The following ATP10A variants were observed in gnomAD, a reference collection of about 807,000 sequenced individuals.
The protein encoded by ATP10A is ATPase phospholipid transporting 10A (putative).
A neutral mutation model predicts 147.8 loss-of-function variants in ATP10A; 111 were observed. That is an observed-to-expected ratio of 0.75 (90% confidence interval 0.64 to 0.88). ATP10A has a LOEUF of 0.88. Among genes scored for constraint, ATP10A ranks in the 40% least tolerant of loss-of-function variants. The pLI, the probability that ATP10A is intolerant of heterozygous loss-of-function variation, is 0.00. For synonymous variants in ATP10A, 875 were observed against 841.6 expected (o/e 1.04, Z -0.69); for missense variants, 1,927 against 1,959.0 (o/e 0.98, Z 0.31).
At chr15:25,801,470 G>C (rs1439293043) in intron 1 of ATP10A, among the ~76,000 whole-genome samples, 1 of 152,178 alleles carries the variant, frequency 6.6e-6, no homozygotes, top group Non-Finnish European at 1.5e-5. Flanking sequence ...ACTATGTTAA[G>C]GTGCATGCAG....
intron 15 of ATP10A, chr15:25,688,134 A>C: frequency 2.5e-6 from 1 of 401,944 alleles, no homozygotes; most frequent in South Asian, 2.3e-5. Context: ...TTCTCAACAA[A>C]TGAAAACACA....
intron 2 of ATP10A, among the ~76,000 whole-genome samples, chr15:25,771,995 A>T (rs1596856129): frequency 6.6e-6 from 1 of 151,960 alleles, no homozygotes; most frequent in South Asian, 2.1e-4. Context: ...CAGGTGATCC[A>T]CCTGCCTCAG....
chr15:25,851,774 A>G (rs142881075), intron 1 of ATP10A, among the ~76,000 whole-genome samples: 1,725 of 152,296 alleles, frequency 0.011, 43 homozygotes, highest in Admixed American at 0.056. Flanking sequence ...TGGAGGCACA[A>G]TTCAGTGTCT....
Position 25,729,149 on chromosome 15 carries a change from G to A in ATP10A, c.741-1883C>T, listed in dbSNP as rs181978750. ...CTAACTCCCAGGACTGCAGAATATGGCTGTATTTGGAGACAGAGTCTTTAA... is the reference window on the plus strand; with the variant it reads ...CTAACTCCCAGGACTGCAGAATATGACTGTATTTGGAGACAGAGTCTTTAA... On this transcript the variant is annotated intron_variant, in intron 3 of 20. Transcript: ENST00000555815. Among the ~76,000 whole-genome samples the A allele has an allele frequency of 2.3e-3, 352 of 152,312 alleles. 1 individual carries two copies. Among genetic ancestry groups the A allele is most frequent in the African/African-American group, 8.2e-3 (340 of 41,578 alleles).
intron 1 of ATP10A, among the ~76,000 whole-genome samples, chr15:25,814,788 A>G (rs1322563476): frequency 6.6e-6 from 1 of 152,214 alleles, no homozygotes; most frequent in African/African-American, 2.4e-5. Context: ...GCGTATAAAA[A>G]GTGCAAACAC....
chr15:25,780,282 A>G (rs997692457), intron 2 of ATP10A, among the ~76,000 whole-genome samples: 32 of 152,226 alleles, frequency 2.1e-4, no homozygotes, highest in African/African-American at 7.7e-4. Context: ...GCCGACTCAG[A>G]CTTGCTGTCT....
At chr15:25,793,591 C>T (rs907229339) in intron 1 of ATP10A, among the ~76,000 whole-genome samples, 1 of 152,198 alleles carries the variant, frequency 6.6e-6, no homozygotes, top group South Asian at 2.1e-4. Flanking sequence ...TTGTCCAAAC[C>T]CTCTTCCGCT....
At chr15:25,759,046 G>A (rs561469935) in intron 2 of ATP10A, among the ~76,000 whole-genome samples, 1 of 152,340 alleles carries the variant, frequency 6.6e-6, no homozygotes, top group South Asian at 2.1e-4. Context: ...ATGGGGGACC[G>A]ACACAGCACC....
Position 25,716,892 on chromosome 15 carries a change from C to CAGA in ATP10A, c.1613_1614insTCT (p.Leu538dup). On this transcript the variant is annotated inframe_insertion, in exon 9 of 21. Transcript: ENST00000555815. ...TCTTGTCACACTCACTCACCTTCTC[C>CAGA]AGCAGCTTTGGGTCGGGCGTGATAT... is the stretch of plus-strand genomic sequence containing the variant. 1 of 1,599,314 alleles carries CAGA rather than the reference C, an allele frequency of 6.3e-7. No homozygotes were observed.
intron 2 of ATP10A, among the ~76,000 whole-genome samples, chr15:25,777,014 C>T (rs982537831): frequency 1.3e-5 from 2 of 152,184 alleles, no homozygotes; most frequent in Admixed American, 6.5e-5. Context: ...GGTGAATAGG[C>T]CTGAGTCCTC....
intron 3 of ATP10A, among the ~76,000 whole-genome samples, chr15:25,734,906 A>C (rs1596785516): frequency 6.6e-6 from 1 of 151,890 alleles, no homozygotes; most frequent in East Asian, 1.9e-4. Flanking sequence ...AGGTGCTGGC[A>C]AAACAGAAGA....
At chr15:25,841,892 G>T (rs1258742519) in intron 1 of ATP10A, 6 of 152,218 alleles carry the variant, frequency 3.9e-5, no homozygotes, top group Non-Finnish European at 5.9e-5. Context: ...TCAATTCATA[G>T]CCACGGATCT....
chr15:25,726,154 G>A (rs1902534273), intron 4 of ATP10A, 72 bp from the exon 5 acceptor site: 2 of 1,541,922 alleles, frequency 1.3e-6, no homozygotes, highest in Non-Finnish European at 1.8e-6. Flanking sequence ...GGATGGCGTG[G>A]AGGGAATTCC....
chr15:25,721,880 G>A lies in ATP10A; in HGVS notation c.1140C>T (p.Ser380=), dbSNP rs952837995. 1.4e-5 allele frequency: 23 copies of A among 1,613,728 alleles called. No individual in the cohort carries two copies. The highest frequency in any genetic ancestry group is 1.9e-5 in the Non-Finnish European group (23 of 1,179,788). ...CTTGGCATGCTTTAACAATTTCAATGGAAACGTATAAGGAAATTGGGATCA... is the reference window on the plus strand; with the variant it reads ...CTTGGCATGCTTTAACAATTTCAATAGAAACGTATAAGGAAATTGGGATCA... ...QVLIPISLYV[S]IEIVKACQVY... is the part of the protein sequence containing the mutation. The change falls in exon 7 of 21, where the codon TCC becomes TCT. Residue 380 remains serine (S), a synonymous_variant. Coordinates refer to ENST00000555815, the MANE Select transcript of ATP10A (RefSeq NM_024490.4).
intron 1 of ATP10A, among the ~76,000 whole-genome samples, chr15:25,800,466 G>C (rs1890885271): frequency 1.3e-5 from 2 of 152,142 alleles, no homozygotes; most frequent in African/African-American, 4.8e-5. Flanking sequence ...TCCTGCCTGA[G>C]TTCTCACCTG....
intron 17 of ATP10A, 78 bp from the exon 18 acceptor site, chr15:25,681,152 G>T: frequency 7.0e-7 from 1 of 1,426,260 alleles, no homozygotes; most frequent in Non-Finnish European, 9.6e-7. Context: ...TAAAAATGGA[G>T]TCACTTGTGT....
chr15:25,786,711 C>T (rs892020712), intron 1 of ATP10A, among the ~76,000 whole-genome samples: 2 of 141,210 alleles, frequency 1.4e-5, no homozygotes, highest in Admixed American at 7.8e-5. Context: ...CTGCAAGCTC[C>T]GCCTCCTGGG....
At chr15:25,783,669 C>T (rs539545734) in intron 1 of ATP10A, among the ~76,000 whole-genome samples, 50 of 152,326 alleles carry the variant, frequency 3.3e-4, no homozygotes, top group African/African-American at 1.0e-3. Flanking sequence ...TTAGATGATG[C>T]GGTTCTGACC....
chr15:25,735,121 A>G (rs1887199212), intron 3 of ATP10A, among the ~76,000 whole-genome samples: 1 of 151,968 alleles, frequency 6.6e-6, no homozygotes, highest in African/African-American at 2.4e-5. Context: ...CAGTGCCAGG[A>G]GGTGGCCCCT....
Sources: gnomAD v4.1 joint callset for allele counts (sites outside exome capture counted in the v4.1 genomes callset) on GRCh38, gnomAD v4.1.1 for gene constraint, MANE v1.5 for transcripts, NCBI Gene and HGNC (gene_info 2026-07-23, HGNC 2026-07-21) for gene names.